CEP170: variants seen among roughly 807,000 people sequenced by gnomAD.
CEP170 encodes centrosomal protein of 170 kDa.
In CEP170, 21 loss-of-function variants were observed where a neutral mutation model predicts 151.9. That is an observed-to-expected ratio of 0.14 (90% CI 0.10 to 0.20). CEP170 has a LOEUF of 0.20. Ranked by LOEUF, CEP170 falls within the 10% of genes least tolerant of loss-of-function variation. The probability of loss-of-function intolerance (pLI) is 1.00; values close to 1 mark genes in which losing one functional copy is unlikely to be tolerated. For synonymous variants in CEP170, 356 were observed against 648.8 expected, an observed-to-expected ratio of 0.55 and a Z score of 6.86; for missense variants, 964 against 1,892.9, an observed-to-expected ratio of 0.51 and a Z score of 9.11.
chr1:243,201,210 C>G (rs1284353315), intron 4 of CEP170, among the ~76,000 whole-genome samples: 1 of 151,882 alleles, frequency 6.6e-6, no homozygotes, highest in Non-Finnish European at 1.5e-5. Flanking sequence ...AAGGAAATAT[C>G]TCATCAATGA....
intron 4 of CEP170, among the ~76,000 whole-genome samples, chr1:243,208,840 T>G (rs905352749): frequency 2.6e-5 from 4 of 152,168 alleles, no homozygotes; most frequent in African/African-American, 9.7e-5. Flanking sequence ...GAACAGTGAT[T>G]ATGATCTATT....
intron 3 of CEP170, among the ~76,000 whole-genome samples, chr1:243,218,570 C>A (rs2062518441): frequency 6.6e-6 from 1 of 152,042 alleles, no homozygotes; most frequent in Non-Finnish European, 1.5e-5. Context: ...GTATTCTGGG[C>A]TAGGGTGAAA....
At position 243,178,805 on chromosome 1, in the gene CEP170, G is replaced by A. The variant is rs572525215; in HGVS notation, c.1567-5959C>T. On this transcript the variant is annotated intron_variant, in intron 10 of 19. Transcript: ENST00000366542. ...ACAATCTTGGCTCACTGCAACCTCC[G>A]CCTCCCGGGTTCAAGCGATTCTCCT... Among the ~76,000 whole-genome samples the A allele has an allele frequency of 6.6e-5, 10 of 151,198 alleles. 1 individual carries two copies. In the South Asian group the frequency reaches 1.5e-3, roughly 22 times the overall value.
At chr1:243,137,647 T>C (rs59548885) in intron 16 of CEP170, among the ~76,000 whole-genome samples, 1,881 of 152,066 alleles carry the variant, frequency 0.012, 37 homozygotes, top group African/African-American at 0.044. Context: ...TGCTGGTGCG[T>C]GCCTGTAGTC....
intron 10 of CEP170, among the ~76,000 whole-genome samples, chr1:243,176,102 G>T (rs541216719): frequency 6.6e-6 from 1 of 152,060 alleles, no homozygotes; most frequent in African/African-American, 2.4e-5. Flanking sequence ...GGCCTCAAAG[G>T]TATTTCCAAC....
At chr1:243,187,133 T>C (rs2059988493) in intron 8 of CEP170, among the ~76,000 whole-genome samples, 1 of 152,190 alleles carries the variant, frequency 6.6e-6, no homozygotes, top group East Asian at 1.9e-4. Flanking sequence ...AATCTCCACC[T>C]AGATCTAAGG....
intron 13 of CEP170, among the ~76,000 whole-genome samples, chr1:243,162,744 C>A (rs1055432279): frequency 4.6e-5 from 7 of 152,098 alleles, no homozygotes; most frequent in African/African-American, 1.4e-4. Context: ...CAGGAAAATA[C>A]ATACATATCT....
intron 10 of CEP170, among the ~76,000 whole-genome samples, chr1:243,177,277 A>G (rs972783900): frequency 3.3e-5 from 5 of 152,248 alleles, no homozygotes; most frequent in African/African-American, 9.6e-5. Flanking sequence ...GAGCAAAATG[A>G]TAATTCAATA....
In CEP170 at chr1:243,132,601, C is replaced by T. The variant is rs189649827; in HGVS notation, c.4320-3148G>A. 9.7e-4 allele frequency among the ~76,000 whole-genome samples: 148 copies of T among 152,268 alleles called. 1 individual carries two copies. Among genetic ancestry groups the T allele is most frequent in the Middle Eastern group, 3.4e-3 (1 of 294 alleles). On this transcript the variant is annotated intron_variant, in intron 17 of 19. Transcript: ENST00000366542. ...GCATTTTTATGCATCCTTTTTTAAACTTTATAAATTCTGTCACTTTCTGAG... is the reference window on the plus strand; with the variant it reads ...GCATTTTTATGCATCCTTTTTTAAATTTTATAAATTCTGTCACTTTCTGAG...
chr1:243,128,454 A>T (rs1215801105), intron 18 of CEP170, 154 bp from the exon 19 acceptor site: 2 of 525,288 alleles, frequency 3.8e-6, no homozygotes, highest in African/African-American at 4.0e-5. Flanking sequence ...AATAATTATG[A>T]TATCTAGCAA....
chr1:243,189,706 G>C (rs189572185), intron 8 of CEP170, among the ~76,000 whole-genome samples: 2,771 of 151,904 alleles, frequency 0.018, 37 homozygotes, highest in Middle Eastern at 0.034. Flanking sequence ...TATTAAGAGT[G>C]GTTTTAAAAA....
At chr1:243,200,917 G>T in intron 4 of CEP170, 82 bp from the exon 5 acceptor site, 1 of 1,494,312 alleles carries the variant, frequency 6.7e-7, no homozygotes, top group Non-Finnish European at 9.0e-7. Flanking sequence ...TTTAGAAATT[G>T]TTCTATTTCA....
intron 1 of CEP170, chr1:243,253,047 T>A (rs1238063624): frequency 1.3e-5 from 2 of 152,208 alleles, no homozygotes; most frequent in Non-Finnish European, 2.9e-5. Flanking sequence ...ATAGAGTTGA[T>A]CATCATACTA....
intron 1 of CEP170, among the ~76,000 whole-genome samples, chr1:243,241,753 G>A (rs562080632): frequency 6.6e-6 from 1 of 150,844 alleles, no homozygotes; most frequent in Non-Finnish European, 1.5e-5. Flanking sequence ...TCTCACCACT[G>A]CACTCCAGCC....
At chr1:243,146,927 CT>C (rs1440359568) in intron 14 of CEP170, among the ~76,000 whole-genome samples, 10 of 143,192 alleles carry the variant, frequency 7.0e-5, no homozygotes, top group Admixed American at 5.4e-4. Context: ...TGAATCCCCC[CT>C]AACCAGTAAA....
At chr1:243,253,756 G>A (rs1018244912) in intron 1 of CEP170, among the ~76,000 whole-genome samples, 1 of 152,044 alleles carries the variant, frequency 6.6e-6, no homozygotes, top group Non-Finnish European at 1.5e-5. Context: ...CTCTCTTCTG[G>A]TGTGTTTTAA....
chr1:243,160,958 C>A (rs2148505428), intron 13 of CEP170, among the ~76,000 whole-genome samples: 1 of 151,932 alleles, frequency 6.6e-6, no homozygotes, highest in African/African-American at 2.4e-5. Flanking sequence ...TTTGATAATT[C>A]AAGGTCTTTA....
intron 3 of CEP170, among the ~76,000 whole-genome samples, chr1:243,217,699 G>T (rs1479401793): frequency 6.6e-6 from 1 of 152,132 alleles, no homozygotes; most frequent in Non-Finnish European, 1.5e-5. Context: ...ATTTCAAAGA[G>T]CCAGAGGAAA....
chr1:243,251,097 T>C (rs1392293687), intron 1 of CEP170, among the ~76,000 whole-genome samples: 1 of 152,224 alleles, frequency 6.6e-6, no homozygotes, highest in East Asian at 1.9e-4. Context: ...TCCTAAAGAC[T>C]GAATTGCAAC....
Sources: allele counts gnomAD v4.1 joint callset (sites outside exome capture counted in the v4.1 genomes callset), GRCh38; gene constraint gnomAD v4.1.1; transcripts MANE v1.5; gene names NCBI Gene and HGNC (gene_info 2026-07-23, HGNC 2026-07-21).